TAS2R46: variants seen among roughly 807,000 people sequenced by gnomAD.
The protein encoded by TAS2R46 is taste 2 receptor member 46.
For missense variants in TAS2R46, 361 were observed against 347.4 expected (o/e 1.04, Z -0.31); for synonymous variants, 123 against 121.8 (o/e 1.01, Z -0.07).
rs1565608609 is a variant in TAS2R46 at position 11,061,499 on chromosome 12, CTTCGCAGAA to C, written c.787_795del (p.Phe263_Glu265del). 4.3e-6 allele frequency: 7 copies of C among 1,614,120 alleles called. No homozygotes were observed. The highest frequency in any genetic ancestry group is 5.1e-6 in the Non-Finnish European group (6 of 1,179,972). On this transcript the variant is annotated inframe_deletion, in exon 1 of 1. Transcript: ENST00000533467. ...GTTGAAGGATAGCTGAATGCAATAG[CTTCGCAGAA>C]CATGAAGACAGGTTTGTTTTCCAGA...
In TAS2R46 at chr12:11,062,065, C is replaced by A. The variant is rs373647255; in HGVS notation, c.230G>T (p.Ser77Ile). The change falls in exon 1 of 1, where the codon AGT (serine) becomes ATT (isoleucine). Residue 77 changes from serine (S) to isoleucine (I), a missense_variant. Physicochemically the swap from Ser to Ile is moderately radical, Grantham distance 142. Coordinates refer to ENST00000533467, the MANE Select transcript of TAS2R46 (RefSeq NM_176887.2). Reference protein sequence around the residue: ...YATELNPAFNSIEVRITAYNV... With the variant: ...YATELNPAFNIIEVRITAYNV... Reference sequence around the variant, plus strand: ...GTAAGCAGTAATTCTTACTTCTATACTGTTAAAAGCTGGATTCAACTCAGT... The same window carrying A: ...GTAAGCAGTAATTCTTACTTCTATAATGTTAAAAGCTGGATTCAACTCAGT... 2 of 1,613,546 alleles carry A rather than the reference C, an allele frequency of 1.2e-6. No homozygotes were observed. Among genetic ancestry groups the A allele is most frequent in the Non-Finnish European group, 1.7e-6 (2 of 1,179,822 alleles).
chr12:11,061,583 A>G lies in TAS2R46; in HGVS notation c.712T>C (p.Cys238Arg), dbSNP rs377226761. ...LQTVTSFLLLCAIYFLSIIMS... is the reference protein window; with the variant it reads ...LQTVTSFLLLRAIYFLSIIMS... ...ATTATGGACAGAAAGTAAATGGCAC[A>G]TAACAAGAGGAAGGAGGTCACAGTT... Residue 238 changes from cysteine to arginine, a missense_variant, in exon 1 of 1, where the codon TGT (cysteine) becomes CGT (arginine). Physicochemically the swap from Cys to Arg is radical, Grantham distance 180. Coordinates refer to ENST00000533467, the MANE Select transcript of TAS2R46 (RefSeq NM_176887.2). The G allele has an allele frequency of 7.1e-4, 1,120 of 1,575,572 alleles. No individual in the cohort carries two copies. Among genetic ancestry groups the G allele is most frequent in the African/African-American group, 4.0e-3 (270 of 68,340 alleles).
Position 11,061,875 on chromosome 12 carries a change from C to A in TAS2R46, c.420G>T (p.Leu140Phe), listed in dbSNP as rs1943620860. 6.2e-7 allele frequency: 1 copy of A among 1,613,936 alleles called. No individual in the cohort carries two copies. ...TGTTTATCACAAAAAGATGACAAAC[C>A]AAAAATAGCAAAGGCCCCAATAGTA... ...LVILLGPLLF[L>F]VCHLFVINMN... The change falls in exon 1 of 1, where the codon TTG becomes TTT. Residue 140 changes from leucine to phenylalanine, a missense_variant. Transcript: ENST00000533467.
At position 11,061,379 on chromosome 12, in the gene TAS2R46, G is replaced by T. The variant is rs1213459530; in HGVS notation, c.916C>A (p.Pro306Thr). The stretch of plus-strand genomic sequence containing the variant: ...CTCTTGTGAATCTATGAAGATGAAG[G>T]CTTCTCTCCTTTCACCCAGTACCTC... ...HVRYWVKGEK[P>T]SSS The change falls in exon 1 of 1, where the codon CCT becomes ACT. Residue 306 changes from proline to threonine, a missense_variant. By Grantham distance (38) the Pro-to-Thr change is conservative. Transcript: ENST00000533467. 1.2e-6 allele frequency: 2 copies of T among 1,612,992 alleles called. No individual in the cohort carries two copies. The highest frequency in any genetic ancestry group is 1.7e-5 in the Admixed American group (1 of 59,862).
In TAS2R46 at chr12:11,061,701, T is replaced by C; in HGVS notation, c.594A>G (p.Leu198=). ...TGAGATGTTTACACAGAGAACAGAT[T>C]AACAGCAGAAAAGATATCAGGGTCA... The part of the protein sequence containing the change: ...FTLTLISFLL[L]ICSLCKHLKK... Residue 198 remains leucine (L), a synonymous_variant, in exon 1 of 1, where the codon TTA becomes TTG. Transcript: ENST00000533467. The C allele has an allele frequency of 6.2e-7, 1 of 1,614,140 alleles. No homozygotes were observed. Among genetic ancestry groups the C allele is most frequent in the East Asian group, 2.2e-5 (1 of 44,878 alleles).
At position 11,061,486 on chromosome 12, in the gene TAS2R46, C is replaced by T. The variant is rs1943599523; in HGVS notation, c.809G>A (p.Ser270Asn). The T allele has an allele frequency of 6.2e-7, 1 of 1,614,150 alleles. No homozygotes were observed. Among genetic ancestry groups the T allele is most frequent in the East Asian group, 2.2e-5 (1 of 44,888 alleles). ...GATGAATGGGTGGGTTGAAGGATAGCTGAATGCAATAGCTTCGCAGAACAT... is the reference window on the plus strand; with the variant it reads ...GATGAATGGGTGGGTTGAAGGATAGTTGAATGCAATAGCTTCGCAGAACAT... ...VFMFCEAIAF[S>N]YPSTHPFILI... The change falls in exon 1 of 1, where the codon AGC (serine) becomes AAC (asparagine). Residue 270 changes from serine to asparagine, a missense_variant. Coordinates refer to ENST00000533467, the MANE Select transcript of TAS2R46 (RefSeq NM_176887.2).
chr12:11,061,558 A>C lies in TAS2R46; in HGVS notation c.737T>G (p.Ile246Ser). The C allele has an allele frequency of 2.5e-6, 4 of 1,614,122 alleles. No homozygotes were observed. The highest frequency in any genetic ancestry group is 3.4e-6 in the Non-Finnish European group (4 of 1,179,974). The change falls in exon 1 of 1, where the codon ATC becomes AGC. Residue 246 changes from isoleucine to serine, a missense_variant. Transcript: ENST00000533467. ...LLCAIYFLSI[I>S]MSVWSFESLE... ...ACTCTCAAAACTCCAAACTGACATG[A>C]TTATGGACAGAAAGTAAATGGCACA... is the stretch of plus-strand genomic sequence containing the variant.
chr12:11,061,935 G>T lies in TAS2R46; in HGVS notation c.360C>A (p.His120Gln). The T allele has an allele frequency of 6.2e-7, 1 of 1,613,968 alleles. No homozygotes were observed. Among genetic ancestry groups the T allele is most frequent in the Non-Finnish European group, 8.5e-7 (1 of 1,179,934 alleles). Residue 120 changes from histidine to glutamine, a missense_variant, in exon 1 of 1, where the codon CAC (histidine) becomes CAA (glutamine). By Grantham distance (24) the His-to-Gln change is conservative. Transcript: ENST00000533467. ...IANFSNLIFL[H>Q]LKRRVKSVVL... ...CAACACTCTTAACTCTCCTCTTTAA[G>T]TGAAGAAAAATAAGGTTGGAGAAAT...
chr12:11,062,216 T>C lies in TAS2R46; in HGVS notation c.79A>G (p.Ile27Val). 2 of 1,613,280 alleles carry C rather than the reference T, an allele frequency of 1.2e-6. No individual in the cohort carries two copies. Among genetic ancestry groups the C allele is most frequent in the South Asian group, 1.1e-5 (1 of 91,052 alleles). Residue 27 changes from isoleucine to valine, a missense_variant, in exon 1 of 1, where the codon ATA becomes GTA. Physicochemically the swap from Ile to Val is conservative, Grantham distance 29. Transcript: ENST00000533467. Reference sequence around the variant, plus strand: ...CACTCAATGGAATTTACCAATGCTATGAAGCCATTAGCAAAATTTCCAATC... The same window carrying C: ...CACTCAATGGAATTTACCAATGCTACGAAGCCATTAGCAAAATTTCCAATC... ...FVIGNFANGF[I>V]ALVNSIEWFK...
At position 11,061,889 on chromosome 12, in the gene TAS2R46, G is replaced by A; in HGVS notation, c.406C>T (p.Pro136Ser). ...AGATGACAAACCAAAAATAGCAAAG[G>A]CCCCAATAGTATCACCAGAACAACA... ...KSVVLVILLG[P>S]LLFLVCHLFV... The change falls in exon 1 of 1, where the codon CCT (proline) becomes TCT (serine). Residue 136 changes from proline (P) to serine (S), a missense_variant. Transcript: ENST00000533467. 6.2e-7 allele frequency: 1 copy of A among 1,613,904 alleles called. No individual in the cohort carries two copies. The highest frequency in any genetic ancestry group is 8.5e-7 in the Non-Finnish European group (1 of 1,179,912).
rs2598002 is a variant in TAS2R46, at chr12:11,062,189, A to C, written c.106T>G (p.Phe36Val). The C allele has an allele frequency of 9.0e-4, 1,444 of 1,609,394 alleles. 9 individuals are homozygous for C. The African/African-American group carries it at 0.016, about 18-fold the overall frequency. ...FIALVNSIEW[F>V]KRQKISFADQ... ...GCAAAAGAGATCTTTTGTCTCTTGA[A>C]CCACTCAATGGAATTTACCAATGCT... The change falls in exon 1 of 1, where the codon TTC becomes GTC. Residue 36 changes from phenylalanine to valine, a missense_variant. Phe to Val is a conservative substitution (Grantham distance 50). Transcript: ENST00000533467.
Position 11,061,908 on chromosome 12 carries a change from A to T in TAS2R46, c.387T>A (p.Val129=). ...LHLKRRVKSV[V]LVILLGPLLF... ...GCAAAGGCCCCAATAGTATCACCAG[A>T]ACAACACTCTTAACTCTCCTCTTTA... is the stretch of plus-strand genomic sequence containing the variant. Residue 129 remains valine, a synonymous_variant, in exon 1 of 1, where the codon GTT becomes GTA. Coordinates refer to ENST00000533467, the MANE Select transcript of TAS2R46 (RefSeq NM_176887.2). 6.2e-7 allele frequency: 1 copy of T among 1,614,004 alleles called. No homozygotes were observed. Among genetic ancestry groups the T allele is most frequent in the Middle Eastern group, 1.6e-4 (1 of 6,062 alleles).
At position 11,061,593 on chromosome 12, in the gene TAS2R46, G is replaced by C. The variant is rs371099707; in HGVS notation, c.702C>G (p.Phe234Leu). The C allele has an allele frequency of 6.2e-7, 1 of 1,613,970 alleles. No homozygotes were observed. The highest frequency in any genetic ancestry group is 1.3e-5 in the African/African-American group (1 of 74,916). ...HIKALQTVTSFLLLCAIYFLS... is the reference protein window; with the variant it reads ...HIKALQTVTSLLLLCAIYFLS... ...GAAAGTAAATGGCACATAACAAGAGGAAGGAGGTCACAGTTTGCAAAGCTT... is the reference window on the plus strand; with the variant it reads ...GAAAGTAAATGGCACATAACAAGAGCAAGGAGGTCACAGTTTGCAAAGCTT... The change falls in exon 1 of 1, where the codon TTC becomes TTG. Residue 234 changes from phenylalanine (F) to leucine (L), a missense_variant. Phe to Leu is a conservative substitution (Grantham distance 22). Coordinates refer to ENST00000533467, the MANE Select transcript of TAS2R46 (RefSeq NM_176887.2).
chr12:11,061,628 C>A lies in TAS2R46; in HGVS notation c.667G>T (p.Val223Phe), dbSNP rs750263341. ...GKGSQDPSMK[V>F]HIKALQTVTS... ...ACAGTTTGCAAAGCTTTTATGTGGA[C>A]CTTCATGCTGGGATCTTGAGATCCT... The change falls in exon 1 of 1, where the codon GTC (valine) becomes TTC (phenylalanine). Residue 223 changes from valine to phenylalanine, a missense_variant. Physicochemically the swap from Val to Phe is conservative, Grantham distance 50. Coordinates refer to ENST00000533467, the MANE Select transcript of TAS2R46 (RefSeq NM_176887.2). The A allele has an allele frequency of 5.6e-6, 9 of 1,614,026 alleles. No homozygotes were observed. The highest frequency in any genetic ancestry group is 3.3e-4 in the Middle Eastern group (2 of 6,062).
Position 11,061,499 on chromosome 12 carries a change from C to T in TAS2R46, c.796G>A (p.Ala266Thr). 3.1e-6 allele frequency: 5 copies of T among 1,614,120 alleles called. No homozygotes were observed. Among genetic ancestry groups the T allele is most frequent in the Non-Finnish European group, 4.2e-6 (5 of 1,179,972 alleles). ...GTTGAAGGATAGCTGAATGCAATAG[C>T]TTCGCAGAACATGAAGACAGGTTTG... ...ENKPVFMFCEAIAFSYPSTHP... is the reference protein window; with the variant it reads ...ENKPVFMFCETIAFSYPSTHP... Residue 266 changes from alanine to threonine, a missense_variant, in exon 1 of 1, where the codon GCT (alanine) becomes ACT (threonine). Coordinates refer to ENST00000533467, the MANE Select transcript of TAS2R46 (RefSeq NM_176887.2).
chr12:11,062,151 G>A lies in TAS2R46; in HGVS notation c.144C>T (p.Leu48=), dbSNP rs1943635787. The A allele has an allele frequency of 6.2e-6, 10 of 1,613,634 alleles. No homozygotes were observed. Among genetic ancestry groups the A allele is most frequent in the Non-Finnish European group, 8.5e-6 (10 of 1,179,786 alleles). The change falls in exon 1 of 1, where the codon CTC becomes CTT. Residue 48 remains leucine (L), a synonymous_variant. Transcript: ENST00000533467. ...RQKISFADQI[L]TALAVSRVGL... Reference sequence around the variant, plus strand: ...CAACTCTGGAGACTGCCAGAGCAGTGAGAATTTGGTCAGCAAAAGAGATCT... The same window carrying A: ...CAACTCTGGAGACTGCCAGAGCAGTAAGAATTTGGTCAGCAAAAGAGATCT...
rs1660310439 is a variant in TAS2R46 at position 11,061,730 on chromosome 12, T to G, written c.565A>C (p.Thr189Pro). The G allele has an allele frequency of 6.2e-7, 1 of 1,613,998 alleles. No homozygotes were observed. Among genetic ancestry groups the G allele is most frequent in the Admixed American group, 1.7e-5 (1 of 59,996 alleles). ...AGCAGAAAAGATATCAGGGTCAGAG[T>G]GAAGGGAACTAAGTTTGCTAGGATG... is the stretch of plus-strand genomic sequence containing the variant. The part of the protein sequence containing the change: ...VTILANLVPF[T>P]LTLISFLLLI... Residue 189 changes from threonine to proline, a missense_variant, in exon 1 of 1, where the codon ACT (threonine) becomes CCT (proline). By Grantham distance (38) the Thr-to-Pro change is conservative. Transcript: ENST00000533467.
chr12:11,061,953 G>T lies in TAS2R46; in HGVS notation c.342C>A (p.Ser114=). ...IFYLLKIANF[S]NLIFLHLKRR... is the part of the protein sequence containing the mutation. Reference sequence around the variant, plus strand: ...TCTTTAAGTGAAGAAAAATAAGGTTGGAGAAATTGGCAATCTTGAGCAAAT... The same window carrying T: ...TCTTTAAGTGAAGAAAAATAAGGTTTGAGAAATTGGCAATCTTGAGCAAAT... The change falls in exon 1 of 1, where the codon TCC becomes TCA. Residue 114 remains serine (S), a synonymous_variant. Coordinates refer to ENST00000533467, the MANE Select transcript of TAS2R46 (RefSeq NM_176887.2). 6.2e-7 allele frequency: 1 copy of T among 1,613,952 alleles called. No individual in the cohort carries two copies. Among genetic ancestry groups the T allele is most frequent in the Non-Finnish European group, 8.5e-7 (1 of 1,179,914 alleles).
chr12:11,062,190 C>G lies in TAS2R46; in HGVS notation c.105G>C (p.Trp35Cys). Reference sequence around the variant, plus strand: ...CAAAAGAGATCTTTTGTCTCTTGAACCACTCAATGGAATTTACCAATGCTA... The same window carrying G: ...CAAAAGAGATCTTTTGTCTCTTGAAGCACTCAATGGAATTTACCAATGCTA... The part of the protein sequence containing the change: ...GFIALVNSIE[W>C]FKRQKISFAD... Residue 35 changes from tryptophan to cysteine, a missense_variant, in exon 1 of 1, where the codon TGG (tryptophan) becomes TGC (cysteine). By Grantham distance (215) the Trp-to-Cys change is radical. Transcript: ENST00000533467. 1 of 1,613,504 alleles carries G rather than the reference C, an allele frequency of 6.2e-7. No individual in the cohort carries two copies. The highest frequency in any genetic ancestry group is 8.5e-7 in the Non-Finnish European group (1 of 1,179,702).
Sources: gnomAD v4.1 joint callset for allele counts on GRCh38, gnomAD v4.1.1 for gene constraint, MANE v1.5 for transcripts, NCBI Gene and HGNC (gene_info 2026-07-23, HGNC 2026-07-21) for gene names.